RCL1: variants seen among roughly 807,000 people sequenced by gnomAD.
RCL1 encodes RNA 3'-terminal phosphate cyclase-like protein.
In RCL1, 24 loss-of-function variants were observed where a neutral mutation model predicts 42.4. That is an observed-to-expected ratio of 0.57 (90% CI 0.41 to 0.80). RCL1 has a LOEUF of 0.80. Among genes scored for constraint, RCL1 ranks in the 30% least tolerant of loss-of-function variants. The pLI is 0.00. For missense variants in RCL1, 578 were observed against 467.9 expected, an observed-to-expected ratio of 1.24 and a Z score of -2.17; for synonymous variants, 228 against 177.3, an observed-to-expected ratio of 1.29 and a Z score of -2.27.
At chr9:4,793,516 G>A (rs1172371086) in intron 1 of RCL1, among the ~76,000 whole-genome samples, 1 of 152,236 alleles carries the variant, frequency 6.6e-6, no homozygotes, top group Admixed American at 6.5e-5. Flanking sequence ...AATCCCTGGC[G>A]TCGCCCCTTC....
At chr9:4,843,953 T>A (rs1817421787) in intron 6 of RCL1, among the ~76,000 whole-genome samples, 1 of 152,184 alleles carries the variant, frequency 6.6e-6, no homozygotes, top group Non-Finnish European at 1.5e-5. Flanking sequence ...ATGAAATGGG[T>A]AACTCACTGC....
intron 7 of RCL1, among the ~76,000 whole-genome samples, 179 bp downstream of exon 7, chr9:4,844,860 T>C (rs529100846): frequency 6.6e-6 from 1 of 152,168 alleles, no homozygotes; most frequent in South Asian, 2.1e-4. Flanking sequence ...AGTCAGTGAG[T>C]AGAGATCTAG....
At chr9:4,847,940 C>T (rs1817578274) in intron 7 of RCL1, among the ~76,000 whole-genome samples, 1 of 152,204 alleles carries the variant, frequency 6.6e-6, no homozygotes, top group Non-Finnish European at 1.5e-5. Context: ...CTAAAGCCCT[C>T]CTCAGGTATC....
intron 1 of RCL1, among the ~76,000 whole-genome samples, chr9:4,806,587 T>TACAC (rs71326137): frequency 0.025 from 3,335 of 135,688 alleles, 37 homozygotes; most frequent in Middle Eastern, 0.044. Flanking sequence ...CTACTTGATC[T>TACAC]ACACACACAC....
At chr9:4,810,985 A>T (rs1179784735) in intron 1 of RCL1, among the ~76,000 whole-genome samples, 1 of 152,220 alleles carries the variant, frequency 6.6e-6, no homozygotes, top group Admixed American at 6.5e-5. Flanking sequence ...TACAGTATAT[A>T]ATGATAAAAT....
chr9:4,831,953 A>G (rs444375), intron 3 of RCL1, among the ~76,000 whole-genome samples: 112,183 of 152,176 alleles, frequency 0.74, 43,414 homozygotes, highest in East Asian at 0.92. Context: ...AATTAGAAGC[A>G]GAGCTGGGAC....
intron 1 of RCL1, among the ~76,000 whole-genome samples, chr9:4,818,017 T>C (rs1002227156): frequency 3.4e-5 from 5 of 147,404 alleles, no homozygotes; most frequent in African/African-American, 1.3e-4. Flanking sequence ...GCCTCCTAGG[T>C]TCAAGCTATT....
intron 3 of RCL1, among the ~76,000 whole-genome samples, chr9:4,831,067 G>A (rs569058570): frequency 1.3e-5 from 2 of 152,272 alleles, no homozygotes; most frequent in Admixed American, 1.3e-4. Flanking sequence ...AGGAGACAGG[G>A]AATTGTCTAG....
At position 4,793,199 on chromosome 9, in the gene RCL1, G is replaced by A. The variant is rs1251517268; in HGVS notation, c.108G>A (p.Arg36=). ...SGRPVKIRKI[R]ARDDNPGLRD... ...GCCCCGTCAAAATCCGAAAGATTCG[G>A]GCCAGAGACGACAACCCGGGCCTCC... is the stretch of plus-strand genomic sequence containing the variant. The change falls in exon 1 of 9, where the codon CGG becomes CGA. Residue 36 remains arginine, a synonymous_variant. Transcript: ENST00000381750. 1.2e-6 allele frequency: 2 copies of A among 1,606,960 alleles called. No individual in the cohort carries two copies. The highest frequency in any genetic ancestry group is 2.2e-5 in the South Asian group (2 of 89,858).
chr9:4,829,064 A>G (rs1414046312), intron 3 of RCL1, among the ~76,000 whole-genome samples: 1 of 152,222 alleles, frequency 6.6e-6, no homozygotes, highest in African/African-American at 2.4e-5. Context: ...GAAATGAGTG[A>G]TTCTGTCCTT....
Position 4,841,154 on chromosome 9 carries a change from A to G in RCL1, c.585-78A>G. 1.3e-5 allele frequency: 20 copies of G among 1,551,644 alleles called. No individual in the cohort carries two copies. The South Asian group carries it at 2.1e-4, about 17-fold the overall frequency. ...CCCAGTTTGTTACTACAGTTCCACA[A>G]ATACTTGCCAGCTTTATAACTGATT... On this transcript the variant is annotated intron_variant, in intron 5 of 8. Coordinates refer to ENST00000381750, the MANE Select transcript of RCL1 (RefSeq NM_005772.5).
intron 1 of RCL1, among the ~76,000 whole-genome samples, chr9:4,815,942 G>C (rs1816360609): frequency 6.6e-6 from 1 of 152,072 alleles, no homozygotes. Flanking sequence ...GGGGATTGGG[G>C]TGATAGAAGC....
chr9:4,844,265 T>C (rs2236496), intron 6 of RCL1, among the ~76,000 whole-genome samples: 29,190 of 152,106 alleles, frequency 0.19, 3,276 homozygotes, highest in East Asian at 0.55. Context: ...CCTGTTGATG[T>C]GTCTACTTAA....
At position 4,833,152 on chromosome 9, in the gene RCL1, A is replaced by G; in HGVS notation, c.385-2A>G. On this transcript the variant is annotated splice_acceptor_variant, in intron 3 of 8. Transcript: ENST00000381750. LOFTEE classifies it high-confidence loss of function. The stretch of plus-strand genomic sequence containing the variant: ...CTTTTCTTTTCTGAAATAATTTCAT[A>G]GGTTGATGTTCTTAAGGCAACAGCA... 1 of 1,603,896 alleles carries G rather than the reference A, an allele frequency of 6.2e-7. No individual in the cohort carries two copies. The highest frequency in any genetic ancestry group is 8.5e-7 in the Non-Finnish European group (1 of 1,170,696).
intron 1 of RCL1, among the ~76,000 whole-genome samples, chr9:4,802,021 G>T (rs908281574): frequency 1.3e-5 from 2 of 150,208 alleles, no homozygotes; most frequent in Non-Finnish European, 2.9e-5. Context: ...CGATTCTCCT[G>T]TCTCAGTCTC....
Position 4,843,369 on chromosome 9 carries a change from C to T in RCL1, c.711-1156C>T, listed in dbSNP as rs117521340. Among the ~76,000 whole-genome samples, 85 of 147,406 alleles carry T rather than the reference C, an allele frequency of 5.8e-4. 1 individual carries two copies. The highest frequency in any genetic ancestry group is 7.6e-4 in the Non-Finnish European group (51 of 66,734). On this transcript the variant is annotated intron_variant, in intron 6 of 8. Transcript: ENST00000381750. ...TCCAGTGTGGTCCCATTTTAACTCT[C>T]ACAGTAATTTTTTTTTTTCTTAATT...
intron 8 of RCL1, among the ~76,000 whole-genome samples, chr9:4,855,072 A>AAAAAAC (rs56709677): frequency 0.022 from 3,097 of 140,368 alleles, 176 homozygotes; most frequent in South Asian, 0.08. Context: ...AAAAAAAAAA[A>AAAAAAC]ATAGGAAAAG....
At chr9:4,834,372 A>T in intron 5 of RCL1, 107 bp downstream of exon 5, 8 of 1,297,528 alleles carry the variant, frequency 6.2e-6, no homozygotes, top group Non-Finnish European at 8.3e-6. Context: ...TACATTTTAG[A>T]CTACAACTTT....
chr9:4,834,027 A>G, intron 4 of RCL1, 114 bp from the exon 5 acceptor site: 1 of 1,169,126 alleles, frequency 8.6e-7, no homozygotes, highest in South Asian at 1.5e-5. Flanking sequence ...TTGAATATGG[A>G]AGAGCTATGC....
Sources: allele counts gnomAD v4.1 joint callset (sites outside exome capture counted in the v4.1 genomes callset), GRCh38; gene constraint gnomAD v4.1.1; transcripts MANE v1.5; gene names NCBI Gene and HGNC (gene_info 2026-07-23, HGNC 2026-07-21).